Variants in LRFN5 observed in about 807,000 individuals in gnomAD.
LRFN5 encodes leucine-rich repeat and fibronectin type-III domain-containing protein 5.
Under a neutral mutation model 45.6 loss-of-function variants are expected in LRFN5, and 24 were observed. That is an observed-to-expected ratio of 0.53 (90% CI 0.38 to 0.74). The LOEUF (loss-of-function observed/expected upper bound fraction) is 0.74. LRFN5 is among the 30% of genes least tolerant of loss of function. The probability of loss-of-function intolerance (pLI) is 0.00; values close to 1 mark genes in which losing one functional copy is unlikely to be tolerated. For missense variants in LRFN5, 776 were observed against 861.5 expected, an observed-to-expected ratio of 0.90 and a Z score of 1.24; for synonymous variants, 340 against 313.8, an observed-to-expected ratio of 1.08 and a Z score of -0.88.
At chr14:41,695,717 C>T (rs933954136) in intron 1 of LRFN5, among the ~76,000 whole-genome samples, 1 of 151,934 alleles carries the variant, frequency 6.6e-6, no homozygotes, top group Non-Finnish European at 1.5e-5. Flanking sequence ...ACACCTACTG[C>T]TCAGGAAAAA....
intron 1 of LRFN5, among the ~76,000 whole-genome samples, chr14:41,655,365 C>T (rs1331707427): frequency 2.0e-5 from 3 of 151,742 alleles, no homozygotes; most frequent in Admixed American, 6.6e-5. Flanking sequence ...GAGACTAAAT[C>T]GTAAGTATTC....
At chr14:41,695,097 A>G (rs1459337344) in intron 1 of LRFN5, among the ~76,000 whole-genome samples, 2 of 151,964 alleles carry the variant, frequency 1.3e-5, no homozygotes, top group Admixed American at 6.6e-5. Flanking sequence ...TATTGCTGAT[A>G]TGGAGAAACT....
intron 2 of LRFN5, among the ~76,000 whole-genome samples, chr14:41,805,238 G>T (rs550214544): frequency 8.2e-4 from 125 of 151,636 alleles, no homozygotes; most frequent in African/African-American, 2.9e-3. Context: ...GGCCAGACTG[G>T]TTATTATGAA....
chr14:41,645,012 G>A (rs1018588781), intron 1 of LRFN5, among the ~76,000 whole-genome samples: 1 of 152,170 alleles, frequency 6.6e-6, no homozygotes, highest in Non-Finnish European at 1.5e-5. Context: ...ATGGTTGAGA[G>A]CTTTTGGTAT....
chr14:41,685,194 G>T (rs543799867), intron 1 of LRFN5, among the ~76,000 whole-genome samples: 2 of 152,262 alleles, frequency 1.3e-5, no homozygotes, highest in Non-Finnish European at 2.9e-5. Context: ...ATATGCTGTT[G>T]TTGGGAAGGT....
At chr14:41,839,685 C>T (rs1001552898) in intron 2 of LRFN5, among the ~76,000 whole-genome samples, 1 of 152,126 alleles carries the variant, frequency 6.6e-6, no homozygotes, top group Non-Finnish European at 1.5e-5. Flanking sequence ...AGAAAGACAG[C>T]TCAACTCACC....
At chr14:41,867,798 C>T (rs184754909) in intron 2 of LRFN5, among the ~76,000 whole-genome samples, 2 of 152,180 alleles carry the variant, frequency 1.3e-5, no homozygotes, top group African/African-American at 2.4e-5. Context: ...CCTTTTCTCA[C>T]TTCCTTGCTG....
At chr14:41,724,426 A>G (rs1883846080) in intron 1 of LRFN5, among the ~76,000 whole-genome samples, 1 of 152,202 alleles carries the variant, frequency 6.6e-6, no homozygotes, top group Admixed American at 6.5e-5. Flanking sequence ...TTTGAAACAC[A>G]TTAGGATATT....
chr14:41,843,733 C>T (rs1388276323), intron 2 of LRFN5, among the ~76,000 whole-genome samples: 1 of 152,094 alleles, frequency 6.6e-6, no homozygotes, highest in Non-Finnish European at 1.5e-5. Flanking sequence ...TATGTCAACA[C>T]AAAATGCACC....
chr14:41,790,333 A>C (rs1422692108), intron 2 of LRFN5, among the ~76,000 whole-genome samples: 10 of 151,612 alleles, frequency 6.6e-5, no homozygotes, highest in Admixed American at 2.6e-4. Context: ...TTTTTTTCTT[A>C]ATATTACCAG....
intron 1 of LRFN5, among the ~76,000 whole-genome samples, chr14:41,675,449 G>A (rs1005381373): frequency 2.0e-5 from 3 of 152,212 alleles, no homozygotes; most frequent in Non-Finnish European, 4.4e-5. Flanking sequence ...AAAAAATTAC[G>A]AAAACCAGTC....
chr14:41,703,144 A>T (rs979552408), intron 1 of LRFN5, among the ~76,000 whole-genome samples: 1 of 151,866 alleles, frequency 6.6e-6, no homozygotes, highest in Non-Finnish European at 1.5e-5. Context: ...CTACAAATGG[A>T]ATATCGTTGT....
intron 2 of LRFN5, among the ~76,000 whole-genome samples, chr14:41,813,902 C>G (rs1226616395): frequency 6.6e-6 from 1 of 152,094 alleles, no homozygotes; most frequent in Non-Finnish European, 1.5e-5. Context: ...TTGCATTTCT[C>G]TAATGACCAG....
At chr14:41,756,551 G>C (rs1180405623) in intron 1 of LRFN5, among the ~76,000 whole-genome samples, 1 of 152,044 alleles carries the variant, frequency 6.6e-6, no homozygotes, top group African/African-American at 2.4e-5. Flanking sequence ...GATCGAATCG[G>C]CTACTGAGGC....
At chr14:41,829,333 G>A (rs953700553) in intron 2 of LRFN5, among the ~76,000 whole-genome samples, 6 of 151,812 alleles carry the variant, frequency 4.0e-5, no homozygotes, top group African/African-American at 1.2e-4. Context: ...TAACAAAAGA[G>A]CCACAGAGAT....
At chr14:41,628,168 C>G (rs1237809257) in intron 1 of LRFN5, among the ~76,000 whole-genome samples, 1 of 152,044 alleles carries the variant, frequency 6.6e-6, no homozygotes, top group Non-Finnish European at 1.5e-5. Flanking sequence ...TTCTTGAATC[C>G]TCTCTATAAT....
At chr14:41,768,558 G>T (rs1039228751) in intron 2 of LRFN5, among the ~76,000 whole-genome samples, 2 of 152,034 alleles carry the variant, frequency 1.3e-5, no homozygotes, top group African/African-American at 2.4e-5. Context: ...CATGAGAAAT[G>T]CATTCTAAAT....
chr14:41,891,146 G>A (rs1263356836), intron 3 of LRFN5, 104 bp from the exon 4 acceptor site: 9 of 853,926 alleles, frequency 1.1e-5, no homozygotes, highest in East Asian at 2.5e-5. Context: ...TGTTATAAAT[G>A]TACTTAATGA....
At chr14:41,826,471 GT>G (rs535040071) in intron 2 of LRFN5, among the ~76,000 whole-genome samples, 1 of 152,098 alleles carries the variant, frequency 6.6e-6, no homozygotes, top group South Asian at 2.1e-4. Flanking sequence ...AATTTTAGAT[GT>G]CATTTCGTCT....
Sources: allele counts gnomAD v4.1 joint callset (sites outside exome capture counted in the v4.1 genomes callset), GRCh38; gene constraint gnomAD v4.1.1; transcripts MANE v1.5; gene names NCBI Gene and HGNC (gene_info 2026-07-23, HGNC 2026-07-21).